The following FBXL2 variants were observed in gnomAD, a reference collection of about 807,000 sequenced individuals.
FBXL2 encodes F-box and leucine rich repeat protein 2, also known as F-box/LRR-repeat protein 2.
Under a neutral mutation model 69.2 loss-of-function variants are expected in FBXL2, and 38 were observed. That is an observed-to-expected ratio of 0.55 (90% confidence interval 0.42 to 0.72). The LOEUF (loss-of-function observed/expected upper bound fraction) is 0.72. Among genes scored for constraint, FBXL2 ranks in the 30% least tolerant of loss-of-function variants. FBXL2 has a pLI of 0.00. For missense variants in FBXL2, 354 were observed against 520.3 expected (o/e 0.68, Z 3.11); for synonymous variants, 192 against 201.3 (o/e 0.95, Z 0.39).
At chr3:33,277,298 G>C, upstream of FBXL2, 1 of 399,284 alleles carries the variant, frequency 2.5e-6, no homozygotes, top group Non-Finnish European at 4.4e-6. Context: ...ATACGAAGTG[G>C]GAGAGGCGAA....
In FBXL2 at chr3:33,332,075, TAATAAA is replaced by T. The variant is rs2039209848; in HGVS notation, c.66-26885_66-26880del. ...AAGCATATCAGGTTCTGGAAAGGAT[TAATAAA>T]AATAAATACCTAAATTAAAAAAACC... On this transcript the variant is annotated intron_variant, in intron 2 of 14. Transcript: ENST00000484457. Among the ~76,000 whole-genome samples the T allele has an allele frequency of 2.2e-4, 33 of 152,098 alleles. No homozygotes were observed. In the South Asian group the frequency reaches 6.9e-3, roughly 32 times the overall value.
At chr3:33,402,749 A>C in intron 12 of FBXL2, 1 of 1,297,508 alleles carries the variant, frequency 7.7e-7, no homozygotes. Context: ...GGGGAAATGA[A>C]GGCACATGAG....
intron 2 of FBXL2, among the ~76,000 whole-genome samples, chr3:33,356,074 T>A (rs2041179424): frequency 6.6e-6 from 1 of 152,196 alleles, no homozygotes; most frequent in Non-Finnish European, 1.5e-5. Context: ...ATGAGAAATG[T>A]GAATTCCTGT....
At chr3:33,409,881 C>T in the FBXL2 span, among the ~76,000 whole-genome samples, 2 of 152,204 alleles carry the variant, frequency 1.3e-5, no homozygotes, top group East Asian at 1.9e-4. Flanking sequence ...TACAACACTA[C>T]AGTAGCTTCC....
chr3:33,299,277 G>A lies in FBXL2; in HGVS notation c.65+1552G>A, dbSNP rs1227643064. 2.0e-5 allele frequency among the ~76,000 whole-genome samples: 3 copies of A among 152,134 alleles called. No individual in the cohort carries two copies. The East Asian group carries it at 5.8e-4, about 29-fold the overall frequency. ...GGCTGATCTCGAACTCCTGATCTCA[G>A]GTAATCCGCCCGCCTCGGCCTCCCA... On this transcript the variant is annotated intron_variant, in intron 2 of 14. Coordinates refer to ENST00000484457, the MANE Select transcript of FBXL2 (RefSeq NM_012157.5).
At chr3:33,328,800 CAT>C (rs773754206) in intron 2 of FBXL2, among the ~76,000 whole-genome samples, 2 of 125,230 alleles carry the variant, frequency 1.6e-5, no homozygotes, top group Non-Finnish European at 1.6e-5. Flanking sequence ...TGTGTGTGTG[CAT>C]GTGTGTGTGT....
At chr3:33,329,745 A>C (rs1042327784) in intron 2 of FBXL2, among the ~76,000 whole-genome samples, 3 of 152,196 alleles carry the variant, frequency 2.0e-5, no homozygotes, top group Non-Finnish European at 2.9e-5. Flanking sequence ...TAATCCCAGC[A>C]CTTTGGGAGG....
downstream of FBXL2, chr3:33,408,619 G>A: frequency 7.8e-7 from 1 of 1,275,308 alleles, no homozygotes; most frequent in Non-Finnish European, 1.1e-6. Flanking sequence ...ACTTTGCGGT[G>A]GAAGTTGGTC....
the FBXL2 span, among the ~76,000 whole-genome samples, chr3:33,420,477 C>T: frequency 2.7e-5 from 4 of 150,060 alleles, no homozygotes. Flanking sequence ...AGGTGTGTGC[C>T]ACCATACTGG....
At chr3:33,377,244 T>C (rs372974517) in intron 10 of FBXL2, 29 bp from the exon 11 acceptor site, 2 of 1,606,210 alleles carry the variant, frequency 1.2e-6, no homozygotes. Flanking sequence ...TTGGTACCGT[T>C]TTCTCCCCTG....
chr3:33,363,036 G>T (rs372557118), intron 4 of FBXL2, among the ~76,000 whole-genome samples: 1 of 152,026 alleles, frequency 6.6e-6, no homozygotes. Context: ...ATCCTGTGGG[G>T]TTTTTTGTTT....
intron 2 of FBXL2, among the ~76,000 whole-genome samples, chr3:33,331,782 G>A (rs1289766303): frequency 6.6e-6 from 1 of 152,126 alleles, no homozygotes; most frequent in Non-Finnish European, 1.5e-5. Context: ...TTAAGGGAGA[G>A]TAAGTGGATT....
At chr3:33,420,858 G>A in the FBXL2 span, among the ~76,000 whole-genome samples, 1 of 152,110 alleles carries the variant, frequency 6.6e-6, no homozygotes, top group Non-Finnish European at 1.5e-5. Flanking sequence ...CCCAACCTCA[G>A]ATGATCCACC....
chr3:33,358,898 C>A, intron 2 of FBXL2, 69 bp from the exon 3 acceptor site: 2 of 1,007,364 alleles, frequency 2.0e-6, no homozygotes, highest in Non-Finnish European at 2.9e-6. Flanking sequence ...TAGAGTTTAT[C>A]TTTCAAGTTA....
At chr3:33,421,863 G>A in the FBXL2 span, among the ~76,000 whole-genome samples, 1 of 152,062 alleles carries the variant, frequency 6.6e-6, no homozygotes, top group Non-Finnish European at 1.5e-5. Flanking sequence ...GACCAACATG[G>A]TAAAACCCCA....
intron 12 of FBXL2, chr3:33,396,110 TTCTG>T (rs1272840194): frequency 9.9e-5 from 145 of 1,462,168 alleles, no homozygotes; most frequent in Middle Eastern, 3.9e-4. Context: ...TCCTTTCCGT[TTCTG>T]TCTGACAGTC....
At chr3:33,339,978 A>G (rs76106219) in intron 2 of FBXL2, among the ~76,000 whole-genome samples, 163 of 152,368 alleles carry the variant, frequency 1.1e-3, no homozygotes, top group Admixed American at 2.5e-3. Context: ...ATGCAACAGC[A>G]TGGACAAATT....
At chr3:33,352,724 C>T (rs1484543896) in intron 2 of FBXL2, among the ~76,000 whole-genome samples, 3 of 151,992 alleles carry the variant, frequency 2.0e-5, no homozygotes, top group Non-Finnish European at 2.9e-5. Context: ...GGTAAAAATC[C>T]GTCTCTACTA....
chr3:33,290,831 A>G (rs1331858359), intron 1 of FBXL2, among the ~76,000 whole-genome samples: 3 of 152,074 alleles, frequency 2.0e-5, no homozygotes, highest in Non-Finnish European at 2.9e-5. Flanking sequence ...TTATAAAGGA[A>G]ATCTTAAAAG....
Sources: allele counts gnomAD v4.1 joint callset (sites outside exome capture counted in the v4.1 genomes callset), GRCh38; gene constraint gnomAD v4.1.1; transcripts MANE v1.5; gene names NCBI Gene and HGNC (gene_info 2026-07-23, HGNC 2026-07-21).